Variants in NMS observed in about 807,000 individuals in gnomAD.
NMS encodes neuromedin-S.
In NMS, 30 loss-of-function variants were observed where a neutral mutation model predicts 32.2. The observed-to-expected ratio is 0.93, with a 90% confidence interval of 0.70 to 1.26. NMS has a LOEUF of 1.26. Ranked by LOEUF, NMS falls within the 50% of genes most tolerant of loss-of-function variation. NMS has a pLI of 0.00. For synonymous variants in NMS, 76 were observed against 58.5 expected, an observed-to-expected ratio of 1.30 and a Z score of -1.37; for missense variants, 190 against 186.3, an observed-to-expected ratio of 1.02 and a Z score of -0.12.
Position 100,479,379 on chromosome 2 carries a change from C to T in NMS, c.288C>T (p.His96=), listed in dbSNP as rs1677172651. The T allele has an allele frequency of 1.2e-6, 2 of 1,610,996 alleles. No homozygotes were observed. The highest frequency in any genetic ancestry group is 1.1e-5 in the South Asian group (1 of 90,252). Residue 96 remains histidine, a synonymous_variant, in exon 6 of 10, where the codon CAC becomes CAT. Coordinates refer to ENST00000376865, the MANE Select transcript of NMS (RefSeq NM_001011717.1). ...TTCCTCCAGTGCATCCTCTAATGCA[C>T]CTGGCTGCCAAGCTCGCCAACAGGC... ...TGFPPVHPLM[H]LAAKLANRRM... is the part of the protein sequence containing the mutation.
chr2:100,478,786 C>G (rs1370856005), intron 5 of NMS, among the ~76,000 whole-genome samples: 1 of 152,130 alleles, frequency 6.6e-6, no homozygotes, highest in African/African-American at 2.4e-5. Context: ...CCAACAAGGG[C>G]ACATGAAAGG....
intron 1 of NMS, among the ~76,000 whole-genome samples, chr2:100,471,902 A>C (rs890995982): frequency 1.3e-5 from 2 of 152,052 alleles, no homozygotes. Flanking sequence ...ATACTTCCTA[A>C]TTTTCCTGTT....
At chr2:100,473,436 C>T in intron 2 of NMS, 53 bp from the exon 3 acceptor site, 1 of 1,043,962 alleles carries the variant, frequency 9.6e-7, no homozygotes, top group Non-Finnish European at 1.4e-6. Context: ...TAATCAATCT[C>T]TCTCTTCATC....
rs74997956 is a variant in NMS at position 100,480,397 on chromosome 2, A to G, written c.337-99A>G. 2.7e-3 allele frequency: 3,315 copies of G among 1,240,446 alleles called. 84 individuals are homozygous for G. The African/African-American group carries it at 0.045, about 17-fold the overall frequency. The allele number at this position is 1,240,446 out of a possible 1,614,324, so 76.8% of individuals were successfully genotyped here. On this transcript the variant is annotated intron_variant, in intron 6 of 9. Coordinates refer to ENST00000376865, the MANE Select transcript of NMS (RefSeq NM_001011717.1). ...CCTCTTTTGCACCAGACTTCTGACT[A>G]TCTTAGAAGCAAGGCAGGGAGGGCA... is the stretch of plus-strand genomic sequence containing the variant.
chr2:100,473,736 T>C (rs1677050282), intron 3 of NMS, among the ~76,000 whole-genome samples, 197 bp downstream of exon 3: 1 of 151,902 alleles, frequency 6.6e-6, no homozygotes, highest in Non-Finnish European at 1.5e-5. Flanking sequence ...TATAAATTAC[T>C]ATAAAATATG....
In NMS at chr2:100,481,408, T is replaced by A. The variant is rs548658619; in HGVS notation, c.414+241T>A. On this transcript the variant is annotated intron_variant, in intron 8 of 9. Transcript: ENST00000376865. Reference sequence around the variant, plus strand: ...CAGAGTAGGCGTAAGGGAGTTCTTCTGACAGACAGACACAAGGTAGACCAG... The same window carrying A: ...CAGAGTAGGCGTAAGGGAGTTCTTCAGACAGACAGACACAAGGTAGACCAG... Among the ~76,000 whole-genome samples the A allele has an allele frequency of 7.1e-3, 1,076 of 152,280 alleles. 5 individuals carry two copies. Among genetic ancestry groups the A allele is most frequent in the Non-Finnish European group, 0.01 (695 of 68,018 alleles).
chr2:100,480,524 C>T lies in NMS; in HGVS notation c.365C>T (p.Thr122Ile), dbSNP rs766891569. The change falls in exon 7 of 10, where the codon ACC (threonine) becomes ATC (isoleucine). Residue 122 changes from threonine (T) to isoleucine (I), a missense_variant. By Grantham distance (89) the Thr-to-Ile change is moderately conservative. Coordinates refer to ENST00000376865, the MANE Select transcript of NMS (RefSeq NM_001011717.1). The part of the protein sequence containing the change: ...RGSGTAAVDF[T>I]KKDHTATWGR... ...TCGGGGACTGCTGCAGTGGACTTCA[C>T]CAAGAAGGTACACAAGAGCCTTGGA... 3.7e-6 allele frequency: 6 copies of T among 1,613,084 alleles called. No homozygotes were observed. The highest frequency in any genetic ancestry group is 3.3e-5 in the South Asian group (3 of 91,032).
At chr2:100,478,765 T>C (rs1677160183) in intron 5 of NMS, among the ~76,000 whole-genome samples, 1 of 152,228 alleles carries the variant, frequency 6.6e-6, no homozygotes, top group Non-Finnish European at 1.5e-5. Flanking sequence ...AGGAGGGGAA[T>C]ATTATCAAGA....
At chr2:100,477,895 C>A (rs1677142250) in intron 5 of NMS, among the ~76,000 whole-genome samples, 1 of 152,086 alleles carries the variant, frequency 6.6e-6, no homozygotes, top group African/African-American at 2.4e-5. Flanking sequence ...ATTTGAGTTA[C>A]CCTCGAAAGC....
In NMS at chr2:100,480,638, G is replaced by A. The variant is rs1573238127; in HGVS notation, c.372+107G>A. On this transcript the variant is annotated intron_variant, in intron 7 of 9. Coordinates refer to ENST00000376865, the MANE Select transcript of NMS (RefSeq NM_001011717.1). ...CTGCAGCCCCTCCAGACCAGTTCTGGGCAGAGCTGGTCTCCAAAGGACCCT... is the reference window on the plus strand; with the variant it reads ...CTGCAGCCCCTCCAGACCAGTTCTGAGCAGAGCTGGTCTCCAAAGGACCCT... The A allele has an allele frequency of 1.1e-5, 12 of 1,085,202 alleles. No individual in the cohort carries two copies. The East Asian group carries it at 2.9e-4, about 26-fold the overall frequency. The allele number at this position is 1,085,202 out of a possible 1,614,324, so 67.2% of individuals were successfully genotyped here. A position where few individuals can be genotyped will look rare whatever the true frequency, so the allele number is the denominator to read the frequency against.
At chr2:100,474,988 C>T (rs577646082) in intron 3 of NMS, among the ~76,000 whole-genome samples, 4 of 152,270 alleles carry the variant, frequency 2.6e-5, no homozygotes, top group African/African-American at 9.6e-5. Flanking sequence ...CTGGGGGTGT[C>T]CTCTGCACCA....
Position 100,483,235 on chromosome 2 carries a change from T to C in NMS, c.450-17T>C. ...ATGATTTGAACTGAGCAGTGCATTT[T>C]TCTTTTCTTTTTTTAGGATTCAGTG... is the stretch of plus-strand genomic sequence containing the variant. On this transcript the variant is annotated splice_polypyrimidine_tract_variant and intron_variant, in intron 9 of 9. Coordinates refer to ENST00000376865, the MANE Select transcript of NMS (RefSeq NM_001011717.1). 2 of 1,611,402 alleles carry C rather than the reference T, an allele frequency of 1.2e-6. No homozygotes were observed. The highest frequency in any genetic ancestry group is 2.2e-5 in the South Asian group (2 of 90,822).
At chr2:100,477,455 C>G in intron 5 of NMS, 41 bp downstream of exon 5, 3 of 1,454,464 alleles carry the variant, frequency 2.1e-6, no homozygotes, top group Non-Finnish European at 2.9e-6. Context: ...AAAAGTGGCT[C>G]TCCTCTGCAT....
At chr2:100,480,358 C>T (rs1677193427) in intron 6 of NMS, 138 bp from the exon 7 acceptor site, 1 of 807,378 alleles carries the variant, frequency 1.2e-6, no homozygotes, top group Non-Finnish European at 2.0e-6. Context: ...CACCATTTGC[C>T]ATGCTCTCCA....
Position 100,472,999 on chromosome 2 carries a change from G to A in NMS, c.132+149G>A, listed in dbSNP as rs1677036701. 14 of 523,910 alleles carry A rather than the reference G, an allele frequency of 2.7e-5. No homozygotes were observed. In the South Asian group the frequency reaches 4.7e-4, roughly 18 times the overall value. The allele number at this position is 523,910 out of a possible 1,614,324, so 32.5% of individuals were successfully genotyped here. Reference sequence around the variant, plus strand: ...GCCATTTTTCATGGCCTCATTTAAGGCATCCTGAGGGTTGTGTTGAAATTC... The same window carrying A: ...GCCATTTTTCATGGCCTCATTTAAGACATCCTGAGGGTTGTGTTGAAATTC... On this transcript the variant is annotated intron_variant, in intron 2 of 9. Coordinates refer to ENST00000376865, the MANE Select transcript of NMS (RefSeq NM_001011717.1).
intron 3 of NMS, among the ~76,000 whole-genome samples, chr2:100,473,958 A>C (rs1204323037): frequency 1.3e-5 from 2 of 152,138 alleles, no homozygotes; most frequent in East Asian, 3.9e-4. Flanking sequence ...TGGGCAGATC[A>C]CTTGAGGCCA....
chr2:100,481,451 T>C (rs941894646), intron 8 of NMS, among the ~76,000 whole-genome samples: 2 of 152,328 alleles, frequency 1.3e-5, no homozygotes, highest in African/African-American at 4.8e-5. Context: ...GCCCATGTTT[T>C]AGAGCATTAA....
rs771129008 is a variant in NMS, at chr2:100,479,378, AC to A, written c.289del (p.Leu97TrpfsTer10). The A allele has an allele frequency of 6.2e-7, 1 of 1,610,914 alleles. No homozygotes were observed. The highest frequency in any genetic ancestry group is 1.7e-5 in the Admixed American group (1 of 59,462). ...TTTCCTCCAGTGCATCCTCTAATGC[AC>A]CTGGCTGCCAAGCTCGCCAACAGGC... is the stretch of plus-strand genomic sequence containing the variant. ...TGFPPVHPLM[H>X]LAAKLANRRM... On this transcript the variant is annotated frameshift_variant, in exon 6 of 10. Coordinates refer to ENST00000376865, the MANE Select transcript of NMS (RefSeq NM_001011717.1). LOFTEE classifies it high-confidence loss of function.
Position 100,479,476 on chromosome 2 carries a change from T to C in NMS, c.336+49T>C, listed in dbSNP as rs1013344456. On this transcript the variant is annotated intron_variant, in intron 6 of 9. Transcript: ENST00000376865. ...ATAGTTTATGCCCCTCACAGTTCATTGAATCGTGGTAAAAGCATGCTGTCA... is the reference window on the plus strand; with the variant it reads ...ATAGTTTATGCCCCTCACAGTTCATCGAATCGTGGTAAAAGCATGCTGTCA... 3 of 1,487,934 alleles carry C rather than the reference T, an allele frequency of 2.0e-6. No homozygotes were observed. In the African/African-American group the frequency reaches 4.2e-5, roughly 21 times the overall value. 92.2% of individuals were successfully genotyped at this position (1,487,934 alleles called of 1,614,324 possible).
Sources: gnomAD v4.1 joint callset for allele counts (sites outside exome capture counted in the v4.1 genomes callset) on GRCh38, gnomAD v4.1.1 for gene constraint, MANE v1.5 for transcripts, NCBI Gene and HGNC (gene_info 2026-07-23, HGNC 2026-07-21) for gene names.